Variants in KSR2 observed in about 807,000 individuals in gnomAD.
The protein encoded by KSR2 is kinase suppressor of ras 2.
KSR2 carries 25 observed loss-of-function variants against 107.8 expected under a neutral mutation model. The ratio of observed to expected loss-of-function variants is 0.23; its 90% CI spans 0.17 to 0.32. KSR2 has a LOEUF of 0.32. Among genes scored for constraint, KSR2 ranks in the 10% least tolerant of loss-of-function variants. KSR2 has a pLI of 1.00. For missense variants in KSR2, 887 were observed against 1,268.9 expected, an observed-to-expected ratio of 0.70 and a Z score of 4.57; for synonymous variants, 480 against 507.0, an observed-to-expected ratio of 0.95 and a Z score of 0.71.
At position 117,454,718 on chromosome 12, in the gene KSR2, A is replaced by G. The variant is rs1870510915; in HGVS notation, c.*12481T>C. The G allele has an allele frequency of 6.6e-6, 1 of 152,214 alleles. No individual in the cohort carries two copies. The highest frequency in any genetic ancestry group is 2.4e-5 in the African/African-American group (1 of 41,448). The allele number at this position is 152,214 out of a possible 1,614,324, so 9.4% of individuals were successfully genotyped here. A position where few individuals can be genotyped will look rare whatever the true frequency, so the allele number is the denominator to read the frequency against. Reference sequence around the variant, plus strand: ...CACATGTCCTTGACCTCAACACTTCAGGGGCCTATTCATAGAGTGATATGA... The same window carrying G: ...CACATGTCCTTGACCTCAACACTTCGGGGGCCTATTCATAGAGTGATATGA... On this transcript the variant is annotated 3_prime_UTR_variant, in exon 20 of 20. Transcript: ENST00000339824.
chr12:117,528,729 T>C (rs1448737346), intron 12 of KSR2, among the ~76,000 whole-genome samples: 1 of 152,214 alleles, frequency 6.6e-6, no homozygotes, highest in Non-Finnish European at 1.5e-5. Flanking sequence ...GCTGGGACAA[T>C]GCAGCTGGAG....
chr12:117,498,055 AT>A (rs1873151420), intron 14 of KSR2, among the ~76,000 whole-genome samples: 1 of 152,194 alleles, frequency 6.6e-6, no homozygotes, highest in Non-Finnish European at 1.5e-5. Flanking sequence ...TGATTTACAA[AT>A]GAAGAAATTC....
At position 117,698,140 on chromosome 12, in the gene KSR2, A is replaced by T. The variant is rs184281568; in HGVS notation, c.987-30482T>A. 3.9e-5 allele frequency among the ~76,000 whole-genome samples: 6 copies of T among 152,268 alleles called. 1 individual carries two copies. In the East Asian group the frequency reaches 9.6e-4, roughly 24 times the overall value. On this transcript the variant is annotated intron_variant, in intron 4 of 19. Transcript: ENST00000339824. ...CTCAGAAGGAATCAACCCTGCTCCC[A>T]CCTTGATTTCAGACTTCTGGCCCCC...
At chr12:117,866,357 G>A (rs2592294) in intron 1 of KSR2, among the ~76,000 whole-genome samples, 42,350 of 152,014 alleles carry the variant, frequency 0.28, 6,219 homozygotes, top group African/African-American at 0.32. Flanking sequence ...TCTTTATAAC[G>A]GAGCACAGGA....
intron 4 of KSR2, among the ~76,000 whole-genome samples, chr12:117,703,739 A>C (rs894574912): frequency 6.6e-6 from 1 of 152,052 alleles, no homozygotes; most frequent in Non-Finnish European, 1.5e-5. Flanking sequence ...AGGCAAACAG[A>C]CTCCATAAAT....
At chr12:117,586,912 T>C (rs1171787028) in intron 5 of KSR2, among the ~76,000 whole-genome samples, 1 of 152,204 alleles carries the variant, frequency 6.6e-6, no homozygotes, top group Non-Finnish European at 1.5e-5. Context: ...TGGAAGTGAA[T>C]TTCATCTCCC....
At chr12:117,809,946 G>A (rs143067380) in intron 3 of KSR2, among the ~76,000 whole-genome samples, 70 of 152,332 alleles carry the variant, frequency 4.6e-4, no homozygotes, top group African/African-American at 1.5e-3. Flanking sequence ...AGTGATTCAA[G>A]TGACTGAAGA....
rs1469580555 is a variant in KSR2, at chr12:117,455,070, G to GAGAGAGAGAGAGAGAGAGAGAGAC, written c.*12128_*12129insGTCTCTCTCTCTCTCTCTCTCTCT. On this transcript the variant is annotated 3_prime_UTR_variant, in exon 20 of 20. Transcript: ENST00000339824. ...AGAGAGAGAGAGAGAGAGAGAGAGAGAGGTCTGTAGAGCCAGAGAGGGATG... is the reference window on the plus strand; with the variant it reads ...AGAGAGAGAGAGAGAGAGAGAGAGAGAGAGAGAGAGAGAGAGAGAGAGACAGGTCTGTAGAGCCAGAGAGGGATG... 2.8e-4 allele frequency: 42 copies of GAGAGAGAGAGAGAGAGAGAGAGAC among 149,316 alleles called. No homozygotes were observed. The highest frequency in any genetic ancestry group is 9.2e-4 in the African/African-American group (37 of 40,372). 9.2% of individuals were successfully genotyped at this position (149,316 alleles called of 1,614,324 possible). A position where few individuals can be genotyped will look rare whatever the true frequency, so the allele number is the denominator to read the frequency against.
intron 4 of KSR2, among the ~76,000 whole-genome samples, chr12:117,734,597 T>A (rs1414167786): frequency 3.9e-5 from 6 of 152,214 alleles, no homozygotes. Flanking sequence ...TGTACATTGT[T>A]GTTTCAGTCT....
At chr12:117,709,288 G>C (rs543003763) in intron 4 of KSR2, among the ~76,000 whole-genome samples, 1 of 152,126 alleles carries the variant, frequency 6.6e-6, no homozygotes, top group African/African-American at 2.4e-5. Flanking sequence ...CATTTCAGAG[G>C]CTTCTCAGGG....
At position 117,457,231 on chromosome 12, in the gene KSR2, T is replaced by C. The variant is rs970752255; in HGVS notation, c.*9968A>G. The C allele has an allele frequency of 2.0e-5, 3 of 152,274 alleles. No homozygotes were observed. The highest frequency in any genetic ancestry group is 7.2e-5 in the African/African-American group (3 of 41,476). 9.4% of individuals were successfully genotyped at this position (152,274 alleles called of 1,614,324 possible). ...AAACCTATTTCCCTGCAATGTTCAC[T>C]TAAGGAGTCCCCTCCTTGTGTTTTC... is the stretch of plus-strand genomic sequence containing the variant. On this transcript the variant is annotated 3_prime_UTR_variant, in exon 20 of 20. Transcript: ENST00000339824.
chr12:117,673,096 C>T (rs528605594), intron 4 of KSR2, among the ~76,000 whole-genome samples: 1 of 152,312 alleles, frequency 6.6e-6, no homozygotes, highest in East Asian at 1.9e-4. Flanking sequence ...CCAAGTCTGA[C>T]CCAGCACAAG....
intron 5 of KSR2, among the ~76,000 whole-genome samples, chr12:117,628,725 G>A (rs1284704605): frequency 1.3e-5 from 2 of 152,220 alleles, no homozygotes. Context: ...GAGAACCACC[G>A]CTCTCTTCAG....
At chr12:117,504,515 C>T (rs11068520) in intron 14 of KSR2, among the ~76,000 whole-genome samples, 34,986 of 152,092 alleles carry the variant, frequency 0.23, 4,380 homozygotes, top group East Asian at 0.44. Context: ...TCCTCTCAGG[C>T]CTCCTTAAAA....
chr12:117,827,416 G>A (rs776319282), intron 3 of KSR2, among the ~76,000 whole-genome samples: 14 of 152,178 alleles, frequency 9.2e-5, no homozygotes, highest in Non-Finnish European at 1.3e-4. Context: ...AGGCACTGGC[G>A]TCAAACAACC....
chr12:117,885,266 C>T (rs1329935774), intron 1 of KSR2, among the ~76,000 whole-genome samples: 1 of 152,204 alleles, frequency 6.6e-6, no homozygotes, highest in African/African-American at 2.4e-5. Flanking sequence ...TTATTGAGTG[C>T]TTTCTACGTA....
intron 3 of KSR2, among the ~76,000 whole-genome samples, chr12:117,825,273 T>C (rs536968570): frequency 3.3e-4 from 50 of 152,240 alleles, no homozygotes; most frequent in African/African-American, 9.6e-4. Context: ...GCATGGATCA[T>C]ATGTGTGGGT....
At chr12:117,825,086 C>T (rs1009273636) in intron 3 of KSR2, among the ~76,000 whole-genome samples, 1 of 151,872 alleles carries the variant, frequency 6.6e-6, no homozygotes, top group East Asian at 1.9e-4. Context: ...GGAGACTGGA[C>T]AGGAGAACCG....
rs115304772 is a variant in KSR2 at position 117,926,627 on chromosome 12, A to G, written c.180+41449T>C. Among the ~76,000 whole-genome samples, 626 of 152,350 alleles carry G rather than the reference A, an allele frequency of 4.1e-3. 8 individuals are homozygous for G. Among genetic ancestry groups the G allele is most frequent in the African/African-American group, 0.014 (599 of 41,584 alleles). On this transcript the variant is annotated intron_variant, in intron 1 of 19. Transcript: ENST00000339824. ...CCTTGTCATATGTTTGCATGCATCC[A>G]CAGGAGAAAAATCACCCAGCAGCCA...
Sources: allele counts gnomAD v4.1 joint callset (sites outside exome capture counted in the v4.1 genomes callset), GRCh38; gene constraint gnomAD v4.1.1; transcripts MANE v1.5; gene names NCBI Gene and HGNC (gene_info 2026-07-23, HGNC 2026-07-21).